The following PTPRT variants were observed in gnomAD, a reference collection of about 807,000 sequenced individuals.
PTPRT encodes the protein protein tyrosine phosphatase receptor type T, also known as receptor-type tyrosine-protein phosphatase T.
A neutral mutation model predicts 176.8 loss-of-function variants in PTPRT; 56 were observed. That is an observed-to-expected ratio of 0.32 (90% CI 0.26 to 0.40). The LOEUF is 0.40. Ranked by LOEUF, PTPRT falls within the 10% of genes least tolerant of loss-of-function variation. The pLI is 1.00. For synonymous variants in PTPRT, 783 were observed against 739.0 expected, an observed-to-expected ratio of 1.06 and a Z score of -0.96; for missense variants, 1,540 against 1,908.2, an observed-to-expected ratio of 0.81 and a Z score of 3.60.
chr20:43,029,459 C>T (rs1986047012), intron 1 of PTPRT, among the ~76,000 whole-genome samples: 1 of 152,220 alleles, frequency 6.6e-6, no homozygotes. Context: ...TCAGATGTAT[C>T]ACGTAGCACT....
At chr20:42,178,866 A>T in intron 16 of PTPRT, among the ~76,000 whole-genome samples, 1 of 152,196 alleles carries the variant, frequency 6.6e-6, no homozygotes, top group Non-Finnish European at 1.5e-5. Context: ...TCTTGCCAAT[A>T]GGTCAACTTA....
chr20:42,091,983 T>C (rs1984672534), intron 27 of PTPRT, among the ~76,000 whole-genome samples: 1 of 152,142 alleles, frequency 6.6e-6, no homozygotes, highest in South Asian at 2.1e-4. Flanking sequence ...CAGAAGAGTC[T>C]TGGGGTGGGA....
intron 1 of PTPRT, among the ~76,000 whole-genome samples, chr20:42,974,475 A>G (rs73907437): frequency 0.027 from 4,010 of 150,806 alleles, 177 homozygotes; most frequent in African/African-American, 0.092. Flanking sequence ...GCACGCGCGC[A>G]CACACACACA....
chr20:42,876,549 C>A (rs1392992355), intron 2 of PTPRT, among the ~76,000 whole-genome samples: 1 of 152,138 alleles, frequency 6.6e-6, no homozygotes, highest in Non-Finnish European at 1.5e-5. Context: ...CAATCAGGAC[C>A]TGGGACCAAG....
rs2056756170 is a variant in PTPRT, at chr20:42,261,903, A to G, written c.2177-13081T>C. 2.0e-5 allele frequency among the ~76,000 whole-genome samples: 3 copies of G among 152,192 alleles called. No homozygotes were observed. The South Asian group carries it at 6.2e-4, about 31-fold the overall frequency. Reference sequence around the variant, plus strand: ...GCTTTGTCCAGATTATGCATCTGCAACATGCCGCTTGCAGCTAGCATCAGA... The same window carrying G: ...GCTTTGTCCAGATTATGCATCTGCAGCATGCCGCTTGCAGCTAGCATCAGA... On this transcript the variant is annotated intron_variant, in intron 13 of 30. Transcript: ENST00000373187.
At chr20:42,439,106 A>G (rs2059289103) in intron 9 of PTPRT, among the ~76,000 whole-genome samples, 3 of 152,174 alleles carry the variant, frequency 2.0e-5, no homozygotes, top group African/African-American at 7.2e-5. Context: ...GCATCTAACC[A>G]GGGATGCCTG....
chr20:42,928,557 T>C (rs1383001067), intron 1 of PTPRT, among the ~76,000 whole-genome samples: 1 of 152,096 alleles, frequency 6.6e-6, no homozygotes, highest in Non-Finnish European at 1.5e-5. Flanking sequence ...TCAGGGGCCA[T>C]GGGGAGACCC....
At chr20:42,901,733 C>T (rs2079407003) in intron 1 of PTPRT, among the ~76,000 whole-genome samples, 1 of 152,182 alleles carries the variant, frequency 6.6e-6, no homozygotes. Flanking sequence ...GGTGTCACTC[C>T]TCCTGCCCCA....
chr20:42,273,083 T>C (rs6016732), intron 13 of PTPRT, among the ~76,000 whole-genome samples: 64,897 of 152,044 alleles, frequency 0.43, 14,981 homozygotes, highest in Non-Finnish European at 0.51. Flanking sequence ...TTATTGGACT[T>C]ATATTTATTC....
chr20:42,648,323 T>A (rs1258960046), intron 7 of PTPRT, among the ~76,000 whole-genome samples: 1 of 152,082 alleles, frequency 6.6e-6, no homozygotes, highest in Non-Finnish European at 1.5e-5. Context: ...TACATCCCCC[T>A]CTCAGCTCTG....
rs376602124 is a variant in PTPRT, at chr20:42,255,348, G to A, written c.2177-6526C>T. Among the ~76,000 whole-genome samples the A allele has an allele frequency of 1.6e-4, 25 of 152,180 alleles. 1 individual carries two copies. The highest frequency in any genetic ancestry group is 6.0e-4 in the African/African-American group (25 of 41,444). On this transcript the variant is annotated intron_variant, in intron 13 of 30. Coordinates refer to ENST00000373187, the MANE Select transcript of PTPRT (RefSeq NM_007050.6). Reference sequence around the variant, plus strand: ...TCTAAGAATCAAATGTAATAATGGAGGGAAAAATGCTTGATAAACTCTTGA... The same window carrying A: ...TCTAAGAATCAAATGTAATAATGGAAGGAAAAATGCTTGATAAACTCTTGA...
intron 1 of PTPRT, among the ~76,000 whole-genome samples, chr20:42,989,905 C>T (rs979475943): frequency 6.6e-6 from 1 of 152,214 alleles, no homozygotes; most frequent in Non-Finnish European, 1.5e-5. Context: ...AGTCACATCC[C>T]CTTGGGCTTC....
At chr20:42,441,035 A>G (rs2145832561) in intron 9 of PTPRT, among the ~76,000 whole-genome samples, 1 of 152,230 alleles carries the variant, frequency 6.6e-6, no homozygotes, top group East Asian at 1.9e-4. Flanking sequence ...CACCTTCACA[A>G]AATCATCCAA....
intron 27 of PTPRT, among the ~76,000 whole-genome samples, chr20:42,087,597 T>A (rs1163718182): frequency 6.8e-6 from 1 of 147,614 alleles, no homozygotes; most frequent in South Asian, 2.4e-4. Flanking sequence ...AGATGGAGGC[T>A]GGGTGCGGTG....
chr20:42,614,894 A>G (rs1352335840), intron 7 of PTPRT, among the ~76,000 whole-genome samples: 7 of 150,706 alleles, frequency 4.6e-5, no homozygotes, highest in Non-Finnish European at 8.9e-5. Context: ...GCTTGTATAG[A>G]GGAACTCTCG....
At chr20:43,010,133 G>A (rs906517042) in intron 1 of PTPRT, among the ~76,000 whole-genome samples, 2 of 151,976 alleles carry the variant, frequency 1.3e-5, no homozygotes, top group Non-Finnish European at 2.9e-5. Context: ...TCCTTGCAGT[G>A]CCATTGTTTC....
intron 1 of PTPRT, among the ~76,000 whole-genome samples, chr20:43,169,426 TAC>T (rs2014940517): frequency 6.6e-6 from 1 of 152,188 alleles, no homozygotes; most frequent in South Asian, 2.1e-4. Flanking sequence ...TTGGCCCTCA[TAC>T]CTAGCAGCTG....
At chr20:42,944,861 T>C (rs1407477501) in intron 1 of PTPRT, among the ~76,000 whole-genome samples, 6 of 152,180 alleles carry the variant, frequency 3.9e-5, no homozygotes, top group African/African-American at 1.2e-4. Context: ...GTGGTATATA[T>C]GCTTCATGAA....
chr20:42,858,663 T>C lies in PTPRT; in HGVS notation c.214+27144A>G, dbSNP rs117747892. 4.2e-4 allele frequency among the ~76,000 whole-genome samples: 64 copies of C among 152,328 alleles called. 1 individual carries two copies. The East Asian group carries it at 0.011, about 27-fold the overall frequency. On this transcript the variant is annotated intron_variant, in intron 2 of 30. Coordinates refer to ENST00000373187, the MANE Select transcript of PTPRT (RefSeq NM_007050.6). ...GATATGGAATCTTCTAGCACCTTGA[T>C]CTTCAACTTCCCAGCCTCTACAACT...
Sources: allele counts gnomAD v4.1 joint callset (sites outside exome capture counted in the v4.1 genomes callset), GRCh38; gene constraint gnomAD v4.1.1; transcripts MANE v1.5; gene names NCBI Gene and HGNC (gene_info 2026-07-23, HGNC 2026-07-21).